Variants in CPED1 observed in about 807,000 individuals in gnomAD.
The protein encoded by CPED1 is cadherin-like and PC-esterase domain-containing protein 1.
A neutral mutation model predicts 128.2 loss-of-function variants in CPED1; 114 were observed. That is an observed-to-expected ratio of 0.89 (90% confidence interval 0.76 to 1.04). CPED1 has a LOEUF of 1.04. Ranked by LOEUF, CPED1 falls within the 50% of genes least tolerant of loss-of-function variation. The pLI, the probability that CPED1 is intolerant of heterozygous loss-of-function variation, is 0.00. For synonymous variants in CPED1, 462 were observed against 426.7 expected, an observed-to-expected ratio of 1.08 and a Z score of -1.02; for missense variants, 1,211 against 1,207.1, an observed-to-expected ratio of 1.00 and a Z score of -0.05.
chr7:121,200,997 C>A (rs1429632772), intron 16 of CPED1, among the ~76,000 whole-genome samples: 1 of 152,052 alleles, frequency 6.6e-6, no homozygotes, highest in Non-Finnish European at 1.5e-5. Flanking sequence ...GGCACAGAAT[C>A]ACGTGTTGAA....
At chr7:121,239,632 T>TA (rs1185429263) in intron 17 of CPED1, among the ~76,000 whole-genome samples, 2 of 152,152 alleles carry the variant, frequency 1.3e-5, no homozygotes, top group East Asian at 3.8e-4. Context: ...TTTGTCTTCT[T>TA]AAAAAATGCT....
At position 121,141,099 on chromosome 7, in the gene CPED1, C is replaced by T. The variant is rs553591405; in HGVS notation, c.1886+86C>T. On this transcript the variant is annotated intron_variant, in intron 15 of 22. Coordinates refer to ENST00000310396, the MANE Select transcript of CPED1 (RefSeq NM_024913.5). ...AAACTTTGAAAGTGGTTCAGAAAAG[C>T]TGATTCATAAGATCAGTTGAAAGAT... 43 of 1,081,016 alleles carry T rather than the reference C, an allele frequency of 4.0e-5. No individual in the cohort carries two copies. In the South Asian group the frequency reaches 7.7e-4, roughly 19 times the overall value. The allele number at this position is 1,081,016 out of a possible 1,614,324, so 67.0% of individuals were successfully genotyped here.
chr7:121,061,874 C>T (rs953677825), intron 4 of CPED1, among the ~76,000 whole-genome samples: 1 of 151,972 alleles, frequency 6.6e-6, no homozygotes, highest in Admixed American at 6.6e-5. Flanking sequence ...GACACATGAC[C>T]CTTGAATGTT....
chr7:121,040,322 C>T (rs1243815973), intron 3 of CPED1, among the ~76,000 whole-genome samples: 4 of 152,038 alleles, frequency 2.6e-5, no homozygotes, highest in Non-Finnish European at 4.4e-5. Context: ...CTACTATAAT[C>T]AGTGTTAGAA....
intron 2 of CPED1, 51 bp downstream of exon 2, chr7:120,989,921 T>A (rs1796283357): frequency 1.2e-6 from 2 of 1,603,768 alleles, no homozygotes; most frequent in Non-Finnish European, 1.7e-6. Flanking sequence ...GACAGCAATC[T>A]GCTTCTCTGT....
intron 8 of CPED1, among the ~76,000 whole-genome samples, chr7:121,125,512 C>T (rs963811619): frequency 6.6e-6 from 1 of 152,096 alleles, no homozygotes; most frequent in Non-Finnish European, 1.5e-5. Context: ...TCCCTGTGTC[C>T]ATGTGTTCTC....
intron 16 of CPED1, among the ~76,000 whole-genome samples, chr7:121,183,264 T>C (rs1245287441): frequency 1.3e-5 from 2 of 152,120 alleles, no homozygotes; most frequent in Admixed American, 1.3e-4. Context: ...GGAAATAAAA[T>C]GACATATGGC....
At chr7:121,291,552 C>A (rs759426665) in intron 22 of CPED1, among the ~76,000 whole-genome samples, 11 of 152,246 alleles carry the variant, frequency 7.2e-5, no homozygotes, top group Admixed American at 2.0e-4. Context: ...ATTTTATTCT[C>A]TTTGTAGCAA....
At chr7:121,195,198 T>C (rs1348266510) in intron 16 of CPED1, 1 of 151,696 alleles carries the variant, frequency 6.6e-6, no homozygotes, top group Non-Finnish European at 1.5e-5. Flanking sequence ...CCCAGACTTT[T>C]AATAGACATG....
chr7:121,063,540 G>T (rs1793741194), intron 4 of CPED1, among the ~76,000 whole-genome samples: 1 of 152,126 alleles, frequency 6.6e-6, no homozygotes, highest in Non-Finnish European at 1.5e-5. Context: ...TATTAGGTTA[G>T]AGTGTGTTAA....
At chr7:121,177,847 AG>A (rs1381180968) in intron 16 of CPED1, among the ~76,000 whole-genome samples, 1 of 151,988 alleles carries the variant, frequency 6.6e-6, no homozygotes, top group East Asian at 1.9e-4. Flanking sequence ...TCTTATGACC[AG>A]GGGGTAAAGT....
intron 16 of CPED1, among the ~76,000 whole-genome samples, chr7:121,206,674 T>C (rs1466537056): frequency 7.2e-5 from 11 of 151,994 alleles, no homozygotes. Flanking sequence ...CCTCCATTTT[T>C]TTACTTACAA....
rs72607709 is a variant in CPED1, at chr7:121,263,641, A to T, written c.2311-2586A>T. 8.1e-3 allele frequency among the ~76,000 whole-genome samples: 1,233 copies of T among 152,078 alleles called. 87 individuals carry two copies. In the East Asian group the frequency reaches 0.18, roughly 22 times the overall value. ...ACATGCTTTGGTGGGCTGCCTTTTC[A>T]CATATAAACACACAGAAAATACTGG... On this transcript the variant is annotated intron_variant, in intron 18 of 22. Transcript: ENST00000310396.
intron 2 of CPED1, among the ~76,000 whole-genome samples, chr7:120,998,367 C>T (rs557576663): frequency 2.4e-4 from 37 of 152,080 alleles, no homozygotes; most frequent in Non-Finnish European, 5.3e-4. Flanking sequence ...ATTTCTTGAC[C>T]TCTCTAGGAT....
At chr7:121,197,304 G>A (rs1797293361) in intron 16 of CPED1, among the ~76,000 whole-genome samples, 1 of 151,930 alleles carries the variant, frequency 6.6e-6, no homozygotes, top group South Asian at 2.1e-4. Context: ...AGCAATACAT[G>A]AGATCACATG....
intron 7 of CPED1, among the ~76,000 whole-genome samples, chr7:121,118,184 T>C (rs952055541): frequency 6.6e-6 from 1 of 152,350 alleles, no homozygotes; most frequent in South Asian, 2.1e-4. Context: ...TTCGTTCTTA[T>C]ATTTAAAATA....
Position 121,015,683 on chromosome 7 carries a change from A to T in CPED1, c.268A>T (p.Thr90Ser). The T allele has an allele frequency of 6.2e-7, 1 of 1,600,136 alleles. No individual in the cohort carries two copies. The highest frequency in any genetic ancestry group is 8.5e-7 in the Non-Finnish European group (1 of 1,175,694). Residue 90 changes from threonine to serine, a missense_variant, in exon 3 of 23, where the codon ACA (threonine) becomes TCA (serine). By Grantham distance (58) the Thr-to-Ser change is moderately conservative. Transcript: ENST00000310396. Reference sequence around the variant, plus strand: ...TTCTTAGGTCAAAGAATCAATGGAGACACACTTTGGCAGCCATGGCCGAAG... The same window carrying T: ...TTCTTAGGTCAAAGAATCAATGGAGTCACACTTTGGCAGCCATGGCCGAAG... ...ETRKVKESME[T>S]HFGSHGRRAI...
At chr7:121,280,757 T>C (rs866911951) in intron 22 of CPED1, among the ~76,000 whole-genome samples, 1 of 152,216 alleles carries the variant, frequency 6.6e-6, no homozygotes, top group Non-Finnish European at 1.5e-5. Context: ...TTATGAGTTA[T>C]AAGGACTAAC....
At position 121,097,817 on chromosome 7, in the gene CPED1, G is replaced by A. The variant is rs781586262; in HGVS notation, c.735G>A (p.Trp245Ter). Residue 245 changes from tryptophan to a stop codon, truncating the protein, a stop_gained, in exon 6 of 23, where the codon TGG (tryptophan) becomes TGA (stop). Coordinates refer to ENST00000310396, the MANE Select transcript of CPED1 (RefSeq NM_024913.5). LOFTEE classifies it high-confidence loss of function. The part of the protein sequence containing the change: ...VKPRVWKPGD[W>*]SREQLNETTV... ...CACGTGTGTGGAAACCAGGGGACTG[G>A]AGTCGTGAACAGCTGTAAGCTAATC... 3.7e-6 allele frequency: 6 copies of A among 1,613,760 alleles called. No homozygotes were observed. In the Admixed American group the frequency reaches 8.3e-5, roughly 22 times the overall value.
Sources: allele counts gnomAD v4.1 joint callset (sites outside exome capture counted in the v4.1 genomes callset), GRCh38; gene constraint gnomAD v4.1.1; transcripts MANE v1.5; gene names NCBI Gene and HGNC (gene_info 2026-07-23, HGNC 2026-07-21).